MFSD11: variants seen among roughly 807,000 people sequenced by gnomAD.
The protein encoded by MFSD11 is UNC93-like protein MFSD11.
Under a neutral mutation model 53.5 loss-of-function variants are expected in MFSD11, and 36 were observed. The ratio of observed to expected loss-of-function variants is 0.67; its 90% CI spans 0.52 to 0.89. MFSD11 has a LOEUF of 0.89. Among genes scored for constraint, MFSD11 ranks in the 40% least tolerant of loss-of-function variants. The probability of loss-of-function intolerance (pLI) is 0.00; values close to 1 mark genes in which losing one functional copy is unlikely to be tolerated. For synonymous variants in MFSD11, 186 were observed against 184.9 expected (o/e 1.01, Z -0.05); for missense variants, 530 against 543.9 (o/e 0.97, Z 0.25).
At chr17:76,765,729 A>G (rs943657780) in intron 8 of MFSD11, among the ~76,000 whole-genome samples, 2 of 152,106 alleles carry the variant, frequency 1.3e-5, no homozygotes, top group African/African-American at 4.8e-5. Flanking sequence ...TGTTGGGATT[A>G]TAGGCATGAG....
chr17:76,796,490 G>T, the MFSD11 span, among the ~76,000 whole-genome samples: 3 of 152,186 alleles, frequency 2.0e-5, no homozygotes, highest in Middle Eastern at 3.4e-3. Flanking sequence ...ATCTCTGGGG[G>T]TTTCTCTTCC....
the MFSD11 span, among the ~76,000 whole-genome samples, chr17:76,787,954 T>G: frequency 8.0e-5 from 12 of 149,878 alleles, 1 homozygote; most frequent in African/African-American, 2.9e-4. Flanking sequence ...ATAGGAGACC[T>G]GAGGGAAATA....
chr17:76,763,102 C>A lies in MFSD11; in HGVS notation c.683-4284C>A, dbSNP rs565415242. ...TTTGTGTGGATGTGTTTTCAGATCT[C>A]TTTGATGCACACCTAGGAATGGTGG... On this transcript the variant is annotated intron_variant, in intron 8 of 12. Coordinates refer to ENST00000685175, the MANE Select transcript of MFSD11 (RefSeq NM_001242532.5). 8.0e-4 allele frequency among the ~76,000 whole-genome samples: 121 copies of A among 152,196 alleles called. No individual in the cohort carries two copies. In the South Asian group the frequency reaches 0.013, roughly 16 times the overall value.
In MFSD11 at chr17:76,745,812, C is replaced by CTTATTTATTTAT. The variant is rs111982936; in HGVS notation, c.641+1365_641+1376dup. 9.1e-4 allele frequency among the ~76,000 whole-genome samples: 136 copies of CTTATTTATTTAT among 148,998 alleles called. 2 individuals carry two copies. Among genetic ancestry groups the CTTATTTATTTAT allele is most frequent in the African/African-American group, 2.3e-3 (94 of 40,662 alleles). On this transcript the variant is annotated intron_variant, in intron 7 of 12. Coordinates refer to ENST00000685175, the MANE Select transcript of MFSD11 (RefSeq NM_001242532.5). ...TGCATGTCTCTCACTTTATTATTTA[C>CTTATTTATTTAT]TTATTTATTTATTTATTTATTTATT... is the stretch of plus-strand genomic sequence containing the variant.
At chr17:76,736,978 G>C (rs200354490), upstream of MFSD11, 3 of 1,613,440 alleles carry the variant, frequency 1.9e-6, no homozygotes, top group African/African-American at 4.0e-5. Flanking sequence ...TGTCGTGAAA[G>C]CGAACGAAGG....
At chr17:76,770,633 G>T (rs1177855523) in intron 10 of MFSD11, among the ~76,000 whole-genome samples, 1 of 152,142 alleles carries the variant, frequency 6.6e-6, no homozygotes, top group Non-Finnish European at 1.5e-5. Flanking sequence ...ACACCTCTCT[G>T]ACTTGGGTAC....
At chr17:76,783,959 G>GA (rs112147759), downstream of MFSD11, among the ~76,000 whole-genome samples, 13,447 of 131,080 alleles carry the variant, frequency 0.1, 1,972 homozygotes, top group African/African-American at 0.33. Flanking sequence ...CTGCTACCCA[G>GA]AAAAAAAAAA....
At chr17:76,794,702 T>TG in the MFSD11 span, among the ~76,000 whole-genome samples, 2 of 5,144 alleles carry the variant, frequency 3.9e-4, no homozygotes, top group African/African-American at 5.7e-4. Context: ...TTTTTTTTTT[T>TG]TTTGTTTTGA....
chr17:76,751,632 C>A (rs2144383403), intron 7 of MFSD11, among the ~76,000 whole-genome samples: 1 of 147,014 alleles, frequency 6.8e-6, no homozygotes, highest in Non-Finnish European at 1.5e-5. Flanking sequence ...CCCAGGAGGT[C>A]AAGGCTACAC....
At chr17:76,772,198 A>G (rs1400424913) in intron 10 of MFSD11, among the ~76,000 whole-genome samples, 1 of 152,102 alleles carries the variant, frequency 6.6e-6, no homozygotes, top group Non-Finnish European at 1.5e-5. Context: ...AGGTGGGCAG[A>G]TCGCTTGAGT....
chr17:76,795,053 C>T, the MFSD11 span, among the ~76,000 whole-genome samples: 2 of 151,984 alleles, frequency 1.3e-5, no homozygotes, highest in Admixed American at 6.6e-5. Flanking sequence ...TAGGTTCAAA[C>T]AACCATGGAT....
chr17:76,740,984 T>G lies in MFSD11; in HGVS notation c.180T>G (p.Ser60=). 1.2e-6 allele frequency: 2 copies of G among 1,611,756 alleles called. No homozygotes were observed. The highest frequency in any genetic ancestry group is 1.7e-6 in the Non-Finnish European group (2 of 1,178,114). Reference sequence around the variant, plus strand: ...TGGCTATTATCTATGGAGTGTTCTCTGCTTCAAATTTGATTACACCGTCAG... The same window carrying G: ...TGGCTATTATCTATGGAGTGTTCTCGGCTTCAAATTTGATTACACCGTCAG... ...TSMAIIYGVF[S]ASNLITPSVV... The change falls in exon 3 of 13, where the codon TCT becomes TCG. Residue 60 remains serine (S), a synonymous_variant. Transcript: ENST00000685175.
upstream of MFSD11, chr17:76,736,704 C>A (rs1048472740): frequency 3.0e-6 from 4 of 1,328,256 alleles, no homozygotes; most frequent in South Asian, 3.6e-5. Flanking sequence ...CCCGTCCGGG[C>A]CCGCACCACG....
At chr17:76,761,237 A>G (rs952509060) in intron 8 of MFSD11, among the ~76,000 whole-genome samples, 1 of 152,160 alleles carries the variant, frequency 6.6e-6, no homozygotes, top group Non-Finnish European at 1.5e-5. Context: ...ATATACTTGT[A>G]GTACTTTATA....
At chr17:76,782,158 C>T (rs114216507), downstream of MFSD11, among the ~76,000 whole-genome samples, 897 of 145,820 alleles carry the variant, frequency 6.2e-3, 6 homozygotes, top group South Asian at 0.022. Context: ...GAGTTTGTTG[C>T]GCTTTTATTC....
the MFSD11 span, among the ~76,000 whole-genome samples, chr17:76,792,504 ACCATTATCC>A: frequency 2.0e-5 from 3 of 150,722 alleles, no homozygotes; most frequent in Non-Finnish European, 4.4e-5. Flanking sequence ...TCAACTAGAA[ACCATTATCC>A]CCATTTTATA....
At chr17:76,752,255 A>G (rs1005164607) in intron 7 of MFSD11, among the ~76,000 whole-genome samples, 2 of 152,208 alleles carry the variant, frequency 1.3e-5, no homozygotes, top group Non-Finnish European at 2.9e-5. Context: ...CATAGGATGT[A>G]CAATGATCTA....
At chr17:76,748,652 C>T (rs2078769826) in intron 7 of MFSD11, among the ~76,000 whole-genome samples, 3 of 151,952 alleles carry the variant, frequency 2.0e-5, no homozygotes. Flanking sequence ...CGCCGCTGCA[C>T]TCCAGCATGG....
Position 76,761,532 on chromosome 17 carries a change from A to G in MFSD11, c.683-5854A>G, listed in dbSNP as rs565483871. Among the ~76,000 whole-genome samples the G allele has an allele frequency of 3.3e-5, 5 of 152,346 alleles. No homozygotes were observed. The South Asian group carries it at 1.0e-3, about 32-fold the overall frequency. On this transcript the variant is annotated intron_variant, in intron 8 of 12. Coordinates refer to ENST00000685175, the MANE Select transcript of MFSD11 (RefSeq NM_001242532.5). ...CGTGAAAACAAATGATAAAATGGAG[A>G]ATATATAGTAGAATTTGTTTTTGTA... is the stretch of plus-strand genomic sequence containing the variant.
Sources: gnomAD v4.1 joint callset for allele counts (sites outside exome capture counted in the v4.1 genomes callset) on GRCh38, gnomAD v4.1.1 for gene constraint, MANE v1.5 for transcripts, NCBI Gene and HGNC (gene_info 2026-07-23, HGNC 2026-07-21) for gene names.